FGF14: variants seen among roughly 807,000 people sequenced by gnomAD.
FGF14 encodes the protein fibroblast growth factor 14, also known as fibroblast growth factor homologous factor 4.
FGF14 carries 5 observed loss-of-function variants against 25.5 expected under a neutral mutation model. The ratio of observed to expected loss-of-function variants is 0.20; its 90% confidence interval spans 0.10 to 0.41. The LOEUF (loss-of-function observed/expected upper bound fraction) is 0.41. FGF14 is among the 10% of genes least tolerant of loss of function. FGF14 has a pLI of 1.00. For missense variants in FGF14, 222 were observed against 320.1 expected (o/e 0.69, Z 2.34); for synonymous variants, 138 against 118.3 (o/e 1.17, Z -1.08).
At chr13:101,986,267 T>A (rs923194582) in intron 1 of FGF14, among the ~76,000 whole-genome samples, 54 of 152,156 alleles carry the variant, frequency 3.5e-4, no homozygotes, top group African/African-American at 1.2e-3. Context: ...AATTTGGGTT[T>A]CTTTTGCTTC....
chr13:101,878,306 C>T (rs2045511388), intron 1 of FGF14, among the ~76,000 whole-genome samples: 1 of 152,192 alleles, frequency 6.6e-6, no homozygotes, highest in Admixed American at 6.5e-5. Flanking sequence ...TGCAGAGCTG[C>T]CTCCTTTTCC....
chr13:101,777,738 G>C lies in FGF14; in HGVS notation c.409-50928C>G, dbSNP rs141516265. On this transcript the variant is annotated intron_variant, in intron 3 of 4. Coordinates refer to ENST00000376143, the MANE Select transcript of FGF14 (RefSeq NM_004115.4). ...AAACCCCAAAATGCCGAGGCGGGTG[G>C]ATCACCCGAGGTCAGGAGTTTGAGA... is the stretch of plus-strand genomic sequence containing the variant. Among the ~76,000 whole-genome samples, 252 of 152,262 alleles carry C rather than the reference G, an allele frequency of 1.7e-3. 3 individuals are homozygous for C. The highest frequency in any genetic ancestry group is 5.9e-3 in the African/African-American group (244 of 41,554).
intron 1 of FGF14, among the ~76,000 whole-genome samples, chr13:102,097,243 C>T (rs950797672): frequency 7.2e-5 from 11 of 152,126 alleles, no homozygotes. Context: ...CATGTGCCTC[C>T]TATTCTAAAA....
intron 3 of FGF14, among the ~76,000 whole-genome samples, chr13:101,851,997 G>A (rs1015027259): frequency 1.3e-5 from 2 of 152,096 alleles, no homozygotes; most frequent in Non-Finnish European, 2.9e-5. Flanking sequence ...GCCGTGCCTA[G>A]GGCTGGGGCT....
chr13:101,810,454 T>C (rs543808359), intron 3 of FGF14, among the ~76,000 whole-genome samples: 199 of 152,362 alleles, frequency 1.3e-3, no homozygotes, highest in African/African-American at 4.6e-3. Context: ...CATTATACTC[T>C]ATTTGATGCA....
chr13:102,172,126 G>C (rs1334754983), intron 1 of FGF14, among the ~76,000 whole-genome samples: 1 of 151,716 alleles, frequency 6.6e-6, no homozygotes, highest in Non-Finnish European at 1.5e-5. Context: ...CCCTACACCT[G>C]GCCCTCTTCA....
chr13:102,013,761 T>C lies in FGF14; in HGVS notation c.209-138465A>G, dbSNP rs2040200100. Among the ~76,000 whole-genome samples, 4 of 152,220 alleles carry C rather than the reference T, an allele frequency of 2.6e-5. No homozygotes were observed. In the South Asian group the frequency reaches 8.3e-4, roughly 31 times the overall value. On this transcript the variant is annotated intron_variant, in intron 1 of 4. Transcript: ENST00000376131. ...TTCCCCTACTACCTACTAGGCTTGA[T>C]CATATATGACATTTTATTTCATTGT...
intron 3 of FGF14, among the ~76,000 whole-genome samples, chr13:101,797,218 A>T (rs1594282901): frequency 6.6e-6 from 1 of 151,978 alleles, no homozygotes; most frequent in Admixed American, 6.6e-5. Context: ...ATCACTTTTA[A>T]TTGTTTATGC....
At chr13:101,941,710 C>T (rs929201637) in intron 1 of FGF14, among the ~76,000 whole-genome samples, 2 of 152,158 alleles carry the variant, frequency 1.3e-5, no homozygotes, top group African/African-American at 4.8e-5. Flanking sequence ...AAATGTGCTT[C>T]AAAGGTTTAA....
chr13:101,890,414 C>G (rs2046208264), intron 1 of FGF14, among the ~76,000 whole-genome samples: 1 of 152,118 alleles, frequency 6.6e-6, no homozygotes, highest in Non-Finnish European at 1.5e-5. Flanking sequence ...ACCTTTCTGT[C>G]TGCTTTGCTC....
At chr13:101,782,581 C>G (rs2039570220) in intron 3 of FGF14, among the ~76,000 whole-genome samples, 1 of 152,168 alleles carries the variant, frequency 6.6e-6, no homozygotes, top group African/African-American at 2.4e-5. Context: ...TTCTTCCCCT[C>G]TGTGTGTCCA....
chr13:102,298,364 T>C (rs573774602), intron 1 of FGF14, among the ~76,000 whole-genome samples: 1 of 152,280 alleles, frequency 6.6e-6, no homozygotes, highest in African/African-American at 2.4e-5. Context: ...TGAGCATTTA[T>C]ATATTTAATA....
intron 1 of FGF14, among the ~76,000 whole-genome samples, chr13:101,947,740 C>G (rs1315438543): frequency 6.6e-6 from 1 of 152,198 alleles, no homozygotes; most frequent in African/African-American, 2.4e-5. Context: ...ACTCTTCCCA[C>G]TACATAGGTG....
chr13:102,391,667 T>C (rs539658907), intron 1 of FGF14, among the ~76,000 whole-genome samples: 15 of 152,188 alleles, frequency 9.9e-5, no homozygotes, highest in Non-Finnish European at 2.1e-4. Context: ...GAAAAAATAA[T>C]CAAGTTAATG....
chr13:102,142,082 C>T (rs2046666245), intron 1 of FGF14, among the ~76,000 whole-genome samples: 1 of 152,122 alleles, frequency 6.6e-6, no homozygotes, highest in Admixed American at 6.6e-5. Flanking sequence ...TAAATGGCTA[C>T]CAAGAAATAG....
chr13:102,085,385 G>C (rs1306143970), intron 1 of FGF14, among the ~76,000 whole-genome samples: 2 of 151,842 alleles, frequency 1.3e-5, no homozygotes, highest in Non-Finnish European at 2.9e-5. Context: ...TCCCTCAACT[G>C]GTAAATGCTA....
intron 1 of FGF14, among the ~76,000 whole-genome samples, chr13:102,171,313 A>G (rs1270298935): frequency 6.6e-6 from 1 of 152,204 alleles, no homozygotes; most frequent in Non-Finnish European, 1.5e-5. Context: ...TGGTCAACAA[A>G]TGATTGCATG....
intron 1 of FGF14, among the ~76,000 whole-genome samples, chr13:101,892,462 A>C (rs1466564792): frequency 6.6e-6 from 1 of 152,198 alleles, no homozygotes; most frequent in African/African-American, 2.4e-5. Flanking sequence ...GCAGAGAGGA[A>C]ATCCCTGGGC....
chr13:101,898,672 A>T (rs181992254), intron 1 of FGF14, among the ~76,000 whole-genome samples: 2 of 152,286 alleles, frequency 1.3e-5, no homozygotes, highest in East Asian at 3.9e-4. Flanking sequence ...ATTTCCTAAT[A>T]GCCAGTTTCT....
Sources: allele counts gnomAD v4.1 joint callset (sites outside exome capture counted in the v4.1 genomes callset), GRCh38; gene constraint gnomAD v4.1.1; transcripts MANE v1.5; gene names NCBI Gene and HGNC (gene_info 2026-07-23, HGNC 2026-07-21).